RUBCNL: variants seen among roughly 807,000 people sequenced by gnomAD.
RUBCNL encodes protein associated with UVRAG as autophagy enhancer.
A neutral mutation model predicts 69.5 loss-of-function variants in RUBCNL; 62 were observed. The ratio of observed to expected loss-of-function variants is 0.89; its 90% confidence interval spans 0.73 to 1.10. The LOEUF (loss-of-function observed/expected upper bound fraction) is 1.10. RUBCNL is among the 50% of genes least tolerant of loss of function. The pLI is 0.00. For synonymous variants in RUBCNL, 291 were observed against 303.6 expected, an observed-to-expected ratio of 0.96 and a Z score of 0.43; for missense variants, 768 against 798.1, an observed-to-expected ratio of 0.96 and a Z score of 0.45.
Position 46,343,224 on chromosome 13 carries a change from C to T in RUBCNL, c.*161G>A. ...GCCCTGTGCTTAAACACAGAATCTG[C>T]ATTCTTTTGAAACATTAAGTATATG... is the stretch of plus-strand genomic sequence containing the variant. On this transcript the variant is annotated 3_prime_UTR_variant, in exon 15 of 15. Coordinates refer to ENST00000429979, the MANE Select transcript of RUBCNL (RefSeq NM_025113.5). 2.6e-6 allele frequency: 3 copies of T among 1,137,220 alleles called. No homozygotes were observed. Among genetic ancestry groups the T allele is most frequent in the Non-Finnish European group, 1.2e-6 (1 of 815,828 alleles). The allele number at this position is 1,137,220 out of a possible 1,614,324, so 70.4% of individuals were successfully genotyped here.
In RUBCNL at chr13:46,368,224, T is replaced by A. The variant is rs139391192; in HGVS notation, c.644A>T (p.Asp215Val). Reference protein sequence around the residue: ...EKENAHFYVADMIISAMEKMK... With the variant: ...EKENAHFYVAVMIISAMEKMK... Reference sequence around the variant, plus strand: ...TTTCTCCATTGCTGATATAATCATATCTGCAACATAAAAGTGGGCATTTTC... The same window carrying A: ...TTTCTCCATTGCTGATATAATCATAACTGCAACATAAAAGTGGGCATTTTC... The change falls in exon 5 of 15, where the codon GAT becomes GTT. Residue 215 changes from aspartate (D) to valine (V), a missense_variant. Coordinates refer to ENST00000429979, the MANE Select transcript of RUBCNL (RefSeq NM_025113.5). The A allele has an allele frequency of 9.6e-5, 155 of 1,613,796 alleles. No individual in the cohort carries two copies. The African/African-American group carries it at 1.9e-3, about 20-fold the overall frequency.
intron 7 of RUBCNL, among the ~76,000 whole-genome samples, chr13:46,361,832 C>A (rs1411252734): frequency 6.6e-6 from 1 of 152,142 alleles, no homozygotes; most frequent in Admixed American, 6.5e-5. Context: ...GTCAGAAGAC[C>A]TGCATTCAAG....
At position 46,343,069 on chromosome 13, in the gene RUBCNL, T is replaced by C; in HGVS notation, c.*316A>G. 1 of 375,048 alleles carries C rather than the reference T, an allele frequency of 2.7e-6. No individual in the cohort carries two copies. Among genetic ancestry groups the C allele is most frequent in the South Asian group, 5.1e-5 (1 of 19,420 alleles). 23.2% of individuals were successfully genotyped at this position (375,048 alleles called of 1,614,324 possible). ...CATCTTGTCAGTTACAGTTCACATA[T>C]ATGCACACACATACAAACTGGCTCA... On this transcript the variant is annotated 3_prime_UTR_variant, in exon 15 of 15. Transcript: ENST00000429979.
rs1403548630 is a variant in RUBCNL at position 46,387,135 on chromosome 13, C to G, written c.-240G>C. 2 of 985,502 alleles carry G rather than the reference C, an allele frequency of 2.0e-6. No individual in the cohort carries two copies. Among genetic ancestry groups the G allele is most frequent in the African/African-American group, 3.5e-5 (2 of 57,242 alleles). The allele number at this position is 985,502 out of a possible 1,614,324, so 61.0% of individuals were successfully genotyped here. On this transcript the variant is annotated splice_region_variant and 5_prime_UTR_variant, in exon 1 of 15. Coordinates refer to ENST00000429979, the MANE Select transcript of RUBCNL (RefSeq NM_025113.5). ...CGCCCCCGGCCCCGCCAGCCTCACC[C>G]AGCCAAACCCGAGCGGTGGAACGCT...
chr13:46,362,447 G>A (rs866911127), intron 7 of RUBCNL, 91 bp downstream of exon 7: 3 of 687,600 alleles, frequency 4.4e-6, no homozygotes. Context: ...ACTAGCTAAA[G>A]TGGGCCCAGA....
chr13:46,386,449 GA>G (rs1489218738), intron 1 of RUBCNL, among the ~76,000 whole-genome samples: 1 of 152,072 alleles, frequency 6.6e-6, no homozygotes, highest in Non-Finnish European at 1.5e-5. Context: ...CACTCAAGGC[GA>G]AATAACCCCT....
At chr13:46,377,702 G>T (rs1272179209) in intron 2 of RUBCNL, among the ~76,000 whole-genome samples, 188 bp downstream of exon 2, 1 of 152,236 alleles carries the variant, frequency 6.6e-6, no homozygotes, top group Non-Finnish European at 1.5e-5. Context: ...TCAAAAGCAG[G>T]TGCTTTCTTC....
chr13:46,355,059 A>G (rs1035206096), intron 10 of RUBCNL, among the ~76,000 whole-genome samples: 2 of 152,210 alleles, frequency 1.3e-5, no homozygotes, highest in Non-Finnish European at 2.9e-5. Flanking sequence ...ATTATCATCC[A>G]GTGTAGGAGA....
At chr13:46,356,674 G>A (rs1024141812) in intron 9 of RUBCNL, among the ~76,000 whole-genome samples, 178 bp from the exon 10 acceptor site, 1 of 151,992 alleles carries the variant, frequency 6.6e-6, no homozygotes, top group Non-Finnish European at 1.5e-5. Flanking sequence ...AAATCCCTGG[G>A]TCTTTTAAAG....
chr13:46,372,719 G>C, intron 2 of RUBCNL, 122 bp from the exon 3 acceptor site: 1 of 734,058 alleles, frequency 1.4e-6, no homozygotes, highest in Non-Finnish European at 2.0e-6. Flanking sequence ...ATCCAACATA[G>C]TAAAGCCCGC....
In RUBCNL at chr13:46,356,433, A is replaced by T; in HGVS notation, c.1329T>A (p.Pro443=). The T allele has an allele frequency of 1.2e-6, 2 of 1,613,896 alleles. No individual in the cohort carries two copies. Among genetic ancestry groups the T allele is most frequent in the South Asian group, 1.1e-5 (1 of 91,046 alleles). Residue 443 remains proline, a splice_region_variant and synonymous_variant, in exon 10 of 15, where the codon CCT becomes CCA. Transcript: ENST00000429979. The part of the protein sequence containing the change: ...FCAGCGTPVE[P]KFVKRLRYCE... ...AGGCGATCCATTATCCGTACTTACT[A>T]GGCTCTACTGGAGTTCCACAGCCGG...
intron 11 of RUBCNL, among the ~76,000 whole-genome samples, 170 bp downstream of exon 11, chr13:46,349,943 C>G (rs925726922): frequency 6.6e-6 from 1 of 152,118 alleles, no homozygotes; most frequent in Non-Finnish European, 1.5e-5. Context: ...CTTGGCCTCT[C>G]AAAGTGCTGG....
rs753678651 is a variant in RUBCNL, at chr13:46,350,333, C to T, written c.1349G>A (p.Arg450Gln). The T allele has an allele frequency of 2.7e-5, 41 of 1,544,586 alleles. No individual in the cohort carries two copies. Among genetic ancestry groups the T allele is most frequent in the Middle Eastern group, 3.4e-4 (2 of 5,948 alleles). The change falls in exon 11 of 15, where the codon CGG becomes CAG. Residue 450 changes from arginine to glutamine, a missense_variant. Physicochemically the swap from Arg to Gln is conservative, Grantham distance 43. Transcript: ENST00000429979. ...ATACTTCCCTAGGTATTCGCAGTAC[C>T]GGAGCCGCTTCACAAACTCTGCCAA... is the stretch of plus-strand genomic sequence containing the variant. The part of the protein sequence containing the change: ...PVEPKFVKRL[R>Q]YCEYLGKYFC...
In RUBCNL at chr13:46,383,181, G is replaced by A. The variant is rs769119711; in HGVS notation, c.-239+3953C>T. Reference sequence around the variant, plus strand: ...TGAAATTTTCCATTAAAAAATTCCCGTTTAAGTTTTCTAAAAACCTTCAAT... The same window carrying A: ...TGAAATTTTCCATTAAAAAATTCCCATTTAAGTTTTCTAAAAACCTTCAAT... On this transcript the variant is annotated intron_variant, in intron 1 of 14. Coordinates refer to ENST00000429979, the MANE Select transcript of RUBCNL (RefSeq NM_025113.5). Among the ~76,000 whole-genome samples, 36 of 152,242 alleles carry A rather than the reference G, an allele frequency of 2.4e-4. 1 individual carries two copies. The highest frequency in any genetic ancestry group is 5.2e-4 in the Admixed American group (8 of 15,294).
chr13:46,345,600 A>C lies in RUBCNL; in HGVS notation c.1632T>G (p.Ser544Arg). Residue 544 changes from serine to arginine, a missense_variant and splice_region_variant, in exon 13 of 15, where the codon AGT becomes AGG. Physicochemically the swap from Ser to Arg is moderately radical, Grantham distance 110 (BLOSUM62 -1). Transcript: ENST00000429979. ...KLLKTCRFANSALKEFEQVPG... is the reference protein window; with the variant it reads ...KLLKTCRFANRALKEFEQVPG... ...GCACCTGCTCGAACTCCTTTAATGC[A>C]CTGCCAGAGAGGAAACAAAGAGGAA... 1.9e-6 allele frequency: 3 copies of C among 1,612,886 alleles called. No homozygotes were observed. The highest frequency in any genetic ancestry group is 2.5e-6 in the Non-Finnish European group (3 of 1,179,350).
Position 46,372,471 on chromosome 13 carries a change from A to T in RUBCNL, c.5T>A (p.Val2Glu). Reference protein sequence around the residue: MVSQSTVRQDSP... With the variant: MESQSTVRQDSP... ...ATCCTGCCTGACTGTAGATTGTGAC[A>T]CCATCTTTCCAGGCTTGTGGCTGGT... The change falls in exon 3 of 15, where the codon GTG becomes GAG. Residue 2 changes from valine (V) to glutamate (E), a missense_variant. Physicochemically the swap from Val to Glu is moderately radical, Grantham distance 121 (BLOSUM62 -2). Coordinates refer to ENST00000429979, the MANE Select transcript of RUBCNL (RefSeq NM_025113.5). 3.1e-6 allele frequency: 5 copies of T among 1,601,406 alleles called. No homozygotes were observed. Among genetic ancestry groups the T allele is most frequent in the Non-Finnish European group, 4.3e-6 (5 of 1,173,634 alleles).
chr13:46,378,530 G>A (rs932365797), intron 1 of RUBCNL: 1 of 152,462 alleles, frequency 6.6e-6, no homozygotes, highest in African/African-American at 2.4e-5. Flanking sequence ...CTGCAGCAAA[G>A]GCCCTGGACA....
intron 6 of RUBCNL, among the ~76,000 whole-genome samples, 162 bp downstream of exon 6, chr13:46,362,953 T>TATAG (rs1225120703): frequency 1.5e-5 from 1 of 68,194 alleles, no homozygotes; most frequent in Non-Finnish European, 2.7e-5. Context: ...TATATATATA[T>TATAG]ATATATATAT....
At chr13:46,380,457 T>C (rs1043447009) in intron 1 of RUBCNL, among the ~76,000 whole-genome samples, 2 of 152,176 alleles carry the variant, frequency 1.3e-5, no homozygotes, top group Non-Finnish European at 2.9e-5. Context: ...AAAACAAAAG[T>C]CTGAACCTGA....
Sources: allele counts gnomAD v4.1 joint callset (sites outside exome capture counted in the v4.1 genomes callset), GRCh38; gene constraint gnomAD v4.1.1; transcripts MANE v1.5; gene names NCBI Gene and HGNC (gene_info 2026-07-23, HGNC 2026-07-21).